The following PIPOX variants were observed in gnomAD, a reference collection of about 807,000 sequenced individuals.
PIPOX encodes peroxisomal sarcosine oxidase.
PIPOX carries 45 observed loss-of-function variants against 47.9 expected under a neutral mutation model. The ratio of observed to expected loss-of-function variants is 0.94; its 90% confidence interval spans 0.74 to 1.20. The LOEUF is 1.20. Among genes scored for constraint, PIPOX ranks in the 50% most tolerant of loss-of-function variants. The pLI, the probability that PIPOX is intolerant of heterozygous loss-of-function variation, is 0.00. For missense variants in PIPOX, 458 were observed against 498.4 expected (o/e 0.92, Z 0.77); for synonymous variants, 165 against 191.3 (o/e 0.86, Z 1.13).
chr17:29,050,673 T>C (rs1250523893), intron 2 of PIPOX, among the ~76,000 whole-genome samples: 1 of 151,798 alleles, frequency 6.6e-6, no homozygotes, highest in Admixed American at 6.6e-5. Context: ...CCCCTATTTC[T>C]ATACACACAA....
chr17:29,045,209 C>T (rs960169709), intron 2 of PIPOX, among the ~76,000 whole-genome samples: 1 of 152,154 alleles, frequency 6.6e-6, no homozygotes, highest in African/African-American at 2.4e-5. Flanking sequence ...CTCTGCGTTG[C>T]AGGACTGGGT....
Position 29,055,842 on chromosome 17 carries a change from T to C in PIPOX, c.996T>C (p.Asp332=), listed in dbSNP as rs2065825640. Residue 332 remains aspartate, a synonymous_variant, in exon 7 of 8, where the codon GAT becomes GAC. Coordinates refer to ENST00000323372, the MANE Select transcript of PIPOX (RefSeq NM_016518.3). ...CCCCTGATGAGCAGTTCATTCTCGA[T>C]CGCCACCCAAAGTATGACAACATTG... ...TNTPDEQFIL[D]RHPKYDNIVI... 6.2e-7 allele frequency: 1 copy of C among 1,613,864 alleles called. No individual in the cohort carries two copies. The highest frequency in any genetic ancestry group is 1.7e-5 in the Admixed American group (1 of 60,002).
Position 29,043,282 on chromosome 17 carries a change from C to T in PIPOX, c.57C>T (p.Gly19=). 1.2e-6 allele frequency: 2 copies of T among 1,613,810 alleles called. No individual in the cohort carries two copies. Among genetic ancestry groups the T allele is most frequent in the Non-Finnish European group, 1.7e-6 (2 of 1,179,828 alleles). ...DAIVIGAGIQ[G]CFTAYHLAKH... is the part of the protein sequence containing the mutation. ...TTGTGATTGGGGCGGGGATCCAGGGCTGCTTCACTGCATACCACCTGGCCA... is the reference window on the plus strand; with the variant it reads ...TTGTGATTGGGGCGGGGATCCAGGGTTGCTTCACTGCATACCACCTGGCCA... The change falls in exon 1 of 8, where the codon GGC becomes GGT. Residue 19 remains glycine, a synonymous_variant. Coordinates refer to ENST00000323372, the MANE Select transcript of PIPOX (RefSeq NM_016518.3).
In PIPOX at chr17:29,046,375, C is replaced by T. The variant is rs376273431; in HGVS notation, c.263+1368C>T. Among the ~76,000 whole-genome samples, 18 of 152,238 alleles carry T rather than the reference C, an allele frequency of 1.2e-4. 1 individual carries two copies. The highest frequency in any genetic ancestry group is 3.9e-4 in the African/African-American group (16 of 41,516). ...GACGTTAGAGTGTCTGGAATCTTTC[C>T]GAGGGAGACGATTCTGGAGTGAGAC... On this transcript the variant is annotated intron_variant, in intron 2 of 7. Coordinates refer to ENST00000323372, the MANE Select transcript of PIPOX (RefSeq NM_016518.3).
chr17:29,054,674 T>G lies in PIPOX; in HGVS notation c.790T>G (p.Tyr264Asp). ...CATCTACGGACTGCCCACAGGAGAG[T>G]ACCCAGGGCTGATGAAGGTGAGCGG... ...HHIYGLPTGE[Y>D]PGLMKVSYHH... is the part of the protein sequence containing the mutation. The change falls in exon 5 of 8, where the codon TAC becomes GAC. Residue 264 changes from tyrosine to aspartate, a missense_variant. Transcript: ENST00000323372. 6.2e-7 allele frequency: 1 copy of G among 1,613,516 alleles called. No homozygotes were observed. The highest frequency in any genetic ancestry group is 1.1e-5 in the South Asian group (1 of 91,038).
At chr17:29,051,836 G>A (rs2152698702) in intron 2 of PIPOX, 1 of 426,940 alleles carries the variant, frequency 2.3e-6, no homozygotes, top group South Asian at 1.8e-5. Context: ...GTAGCATCCC[G>A]GGCCCCTGCC....
At position 29,053,499 on chromosome 17, in the gene PIPOX, C is replaced by A; in HGVS notation, c.564C>A (p.Thr188=). 6.2e-7 allele frequency: 1 copy of A among 1,614,130 alleles called. No individual in the cohort carries two copies. ...CAGGGCTACTGGTCACGGTGAAAAC[C>A]ACCTCCAGGAGCTACCAAGCTAAGA... The part of the protein sequence containing the change: ...INPGLLVTVK[T]TSRSYQAKSL... Residue 188 remains threonine, a synonymous_variant, in exon 4 of 8, where the codon ACC becomes ACA. Coordinates refer to ENST00000323372, the MANE Select transcript of PIPOX (RefSeq NM_016518.3).
chr17:29,048,346 A>G (rs1433122386), intron 2 of PIPOX, among the ~76,000 whole-genome samples: 2 of 152,260 alleles, frequency 1.3e-5, no homozygotes, highest in Non-Finnish European at 2.9e-5. Context: ...TGATGATTAA[A>G]AAAAAACCTT....
chr17:29,053,242 GC>G, intron 3 of PIPOX, 109 bp downstream of exon 3: 5 of 1,271,954 alleles, frequency 3.9e-6, no homozygotes, highest in Non-Finnish European at 5.6e-6. Flanking sequence ...TGCCCTGCAG[GC>G]TTTAGTCTTG....
rs138136547 is a variant in PIPOX at position 29,056,077 on chromosome 17, C to T, written c.1043-98C>T. The T allele has an allele frequency of 1.2e-3, 1,803 of 1,502,368 alleles. 10 individuals carry two copies. The African/African-American group carries it at 0.02, about 17-fold the overall frequency. 93.1% of individuals were successfully genotyped at this position (1,502,368 alleles called of 1,614,324 possible). A position where few individuals can be genotyped will look rare whatever the true frequency, so the allele number is the denominator to read the frequency against. On this transcript the variant is annotated intron_variant, in intron 7 of 7. Transcript: ENST00000323372. ...GCCACTTCTGGCTTTGGGATGTGACCAGGAGGACAGTCAGCCCTGTCTGGG... is the reference window on the plus strand; with the variant it reads ...GCCACTTCTGGCTTTGGGATGTGACTAGGAGGACAGTCAGCCCTGTCTGGG...
At chr17:29,045,812 C>T (rs1423552841) in intron 2 of PIPOX, among the ~76,000 whole-genome samples, 1 of 152,138 alleles carries the variant, frequency 6.6e-6, no homozygotes, top group African/African-American at 2.4e-5. Context: ...GTACCTTTTC[C>T]TGTAGGAACA....
intron 3 of PIPOX, 90 bp from the exon 4 acceptor site, chr17:29,053,323 C>T: frequency 7.2e-7 from 1 of 1,388,560 alleles, no homozygotes; most frequent in South Asian, 1.3e-5. Flanking sequence ...AGATTCTGCA[C>T]TCTTTTCTGC....
intron 3 of PIPOX, 92 bp downstream of exon 3, chr17:29,053,225 AG>A: frequency 7.5e-7 from 1 of 1,335,194 alleles, no homozygotes. Context: ...CCTCTGGATG[AG>A]GCCTTTGCCC....
intron 3 of PIPOX, 83 bp downstream of exon 3, chr17:29,053,216 C>A: frequency 1.4e-6 from 2 of 1,390,242 alleles, no homozygotes; most frequent in Non-Finnish European, 2.0e-6. Context: ...CAAGACCCCC[C>A]TCTGGATGAG....
At chr17:29,046,528 A>G in intron 2 of PIPOX, 1 of 909,582 alleles carries the variant, frequency 1.1e-6, no homozygotes, top group South Asian at 5.1e-5. Flanking sequence ...TTTGTGAAAT[A>G]CTTGGCCCAA....
chr17:29,048,711 C>G (rs891893729), intron 2 of PIPOX, among the ~76,000 whole-genome samples: 3 of 152,262 alleles, frequency 2.0e-5, no homozygotes, highest in African/African-American at 7.2e-5. Flanking sequence ...GCCCCCTCTG[C>G]AGCTGCTGTT....
rs989330399 is a variant in PIPOX, at chr17:29,046,187, C to T, written c.263+1180C>T. On this transcript the variant is annotated intron_variant, in intron 2 of 7. Coordinates refer to ENST00000323372, the MANE Select transcript of PIPOX (RefSeq NM_016518.3). ...GATTTATTCAGAGGCAGCTAATGCACCCAGCACCCAAATAAAGGAGCATGT... is the reference window on the plus strand; with the variant it reads ...GATTTATTCAGAGGCAGCTAATGCATCCAGCACCCAAATAAAGGAGCATGT... 4.2e-4 allele frequency among the ~76,000 whole-genome samples: 64 copies of T among 152,354 alleles called. 1 individual carries two copies. Among genetic ancestry groups the T allele is most frequent in the Non-Finnish European group, 1.2e-4 (8 of 68,038 alleles).
rs2065814186 is a variant in PIPOX at position 29,053,316 on chromosome 17, T to A, written c.478-97T>A. 8.3e-6 allele frequency: 11 copies of A among 1,329,058 alleles called. No individual in the cohort carries two copies. In the East Asian group the frequency reaches 2.6e-4, roughly 31 times the overall value. 82.3% of individuals were successfully genotyped at this position (1,329,058 alleles called of 1,614,324 possible). A position where few individuals can be genotyped will look rare whatever the true frequency, so the allele number is the denominator to read the frequency against. ...CTTGTCAATACAGGACAGGTCTAGA[T>A]TCTGCACTCTTTTCTGCCCCAGGCA... On this transcript the variant is annotated intron_variant, in intron 3 of 7. Coordinates refer to ENST00000323372, the MANE Select transcript of PIPOX (RefSeq NM_016518.3).
intron 1 of PIPOX, 84 bp from the exon 2 acceptor site, chr17:29,044,775 C>T: frequency 1.5e-6 from 2 of 1,370,770 alleles, no homozygotes; most frequent in Non-Finnish European, 9.9e-7. Flanking sequence ...TCCTGGTTGA[C>T]AGCACATGCT....
Sources: allele counts gnomAD v4.1 joint callset (sites outside exome capture counted in the v4.1 genomes callset), GRCh38; gene constraint gnomAD v4.1.1; transcripts MANE v1.5; gene names NCBI Gene and HGNC (gene_info 2026-07-23, HGNC 2026-07-21).